Variants in TLE1 observed in about 807,000 individuals in gnomAD.
TLE1 encodes the protein transducin-like enhancer protein 1.
A neutral mutation model predicts 89.8 loss-of-function variants in TLE1; 21 were observed. The ratio of observed to expected loss-of-function variants is 0.23; its 90% CI spans 0.17 to 0.34. The LOEUF (loss-of-function observed/expected upper bound fraction) is 0.34, where lower values mean the gene tolerates loss of function less well. Ranked by LOEUF, TLE1 falls within the 10% of genes least tolerant of loss-of-function variation. TLE1 has a pLI of 1.00. For missense variants in TLE1, 795 were observed against 1,031.2 expected (o/e 0.77, Z 3.14); for synonymous variants, 447 against 407.6 (o/e 1.10, Z -1.16).
chr9:81,638,349 A>G (rs749044052), intron 6 of TLE1, among the ~76,000 whole-genome samples: 3 of 152,182 alleles, frequency 2.0e-5, no homozygotes, highest in African/African-American at 4.8e-5. Context: ...TTATAAACAC[A>G]AAGTGTCATT....
At chr9:81,662,570 T>C (rs1256129911) in intron 4 of TLE1, among the ~76,000 whole-genome samples, 1 of 151,690 alleles carries the variant, frequency 6.6e-6, no homozygotes, top group Non-Finnish European at 1.5e-5. Context: ...TGGTGATGCA[T>C]GCCTGTAATC....
chr9:81,597,690 G>A (rs980309761), intron 14 of TLE1, among the ~76,000 whole-genome samples: 2 of 152,114 alleles, frequency 1.3e-5, no homozygotes, highest in Non-Finnish European at 2.9e-5. Flanking sequence ...CTGAAGTCTG[G>A]TGTCAGAATC....
At chr9:81,682,776 G>A (rs904744776) in intron 4 of TLE1, among the ~76,000 whole-genome samples, 6 of 152,118 alleles carry the variant, frequency 3.9e-5, no homozygotes, top group African/African-American at 1.2e-4. Flanking sequence ...CTACTGTATA[G>A]AGATATCTAG....
chr9:81,606,056 C>A (rs1194322845), intron 14 of TLE1, among the ~76,000 whole-genome samples: 1 of 152,164 alleles, frequency 6.6e-6, no homozygotes, highest in African/African-American at 2.4e-5. Context: ...AAATGCAAAT[C>A]AAAACCACAA....
chr9:81,629,661 G>A (rs1826328466), intron 8 of TLE1, among the ~76,000 whole-genome samples: 2 of 152,138 alleles, frequency 1.3e-5, no homozygotes, highest in South Asian at 2.1e-4. Flanking sequence ...CACAAACCTG[G>A]GTGGTATAGC....
At chr9:81,682,169 G>C (rs994573929) in intron 4 of TLE1, among the ~76,000 whole-genome samples, 8 of 151,824 alleles carry the variant, frequency 5.3e-5, no homozygotes, top group African/African-American at 1.7e-4. Context: ...CAGGAGAATT[G>C]CTTGAACCCA....
At chr9:81,600,253 T>C (rs1381522938) in intron 14 of TLE1, 26 of 576,482 alleles carry the variant, frequency 4.5e-5, no homozygotes, top group Non-Finnish European at 7.6e-5. Context: ...AAACGAGCAT[T>C]ATCCAAGCAA....
At chr9:81,645,378 A>T (rs944994936) in intron 6 of TLE1, among the ~76,000 whole-genome samples, 2 of 151,026 alleles carry the variant, frequency 1.3e-5, no homozygotes, top group Admixed American at 1.3e-4. Context: ...AAAAAAAAAA[A>T]ATAATAGTAA....
intron 9 of TLE1, among the ~76,000 whole-genome samples, chr9:81,618,550 G>A (rs1824844402): frequency 1.3e-5 from 2 of 152,128 alleles, no homozygotes; most frequent in Admixed American, 1.3e-4. Flanking sequence ...GAGGAAGCCT[G>A]GGTAATCCTA....
chr9:81,639,876 C>G (rs960384666), intron 6 of TLE1, among the ~76,000 whole-genome samples: 1 of 151,932 alleles, frequency 6.6e-6, no homozygotes, highest in Non-Finnish European at 1.5e-5. Context: ...CATGAACCAC[C>G]GCGCCCAGCT....
At chr9:81,626,217 T>C (rs936388020) in intron 8 of TLE1, among the ~76,000 whole-genome samples, 2 of 152,098 alleles carry the variant, frequency 1.3e-5, no homozygotes, top group African/African-American at 4.8e-5. Context: ...GTGTCAGAGG[T>C]ACAGATTGGA....
intron 14 of TLE1, among the ~76,000 whole-genome samples, chr9:81,608,055 G>A (rs1831921242): frequency 6.6e-6 from 1 of 152,192 alleles, no homozygotes; most frequent in Non-Finnish European, 1.5e-5. Flanking sequence ...TGGTTTATTT[G>A]AAACAAGGCT....
intron 5 of TLE1, 64 bp downstream of exon 5, chr9:81,653,905 TAAAAC>T: frequency 6.9e-7 from 1 of 1,443,282 alleles, no homozygotes; most frequent in Non-Finnish European, 9.7e-7. Context: ...ATTAACATCT[TAAAAC>T]TAGCTAATTT....
intron 8 of TLE1, among the ~76,000 whole-genome samples, chr9:81,627,124 C>G (rs933812390): frequency 6.6e-6 from 1 of 152,054 alleles, no homozygotes; most frequent in Non-Finnish European, 1.5e-5. Flanking sequence ...GTGTATCGGA[C>G]AGCACTTACA....
At chr9:81,650,991 CT>C (rs1829461647) in intron 6 of TLE1, among the ~76,000 whole-genome samples, 1 of 152,178 alleles carries the variant, frequency 6.6e-6, no homozygotes, top group Admixed American at 6.5e-5. Context: ...GAGGCTCATT[CT>C]TTAATCCTCC....
At chr9:81,625,911 T>TATAAAAA (rs1825838255) in intron 8 of TLE1, among the ~76,000 whole-genome samples, 1 of 87,848 alleles carries the variant, frequency 1.1e-5, no homozygotes, top group African/African-American at 5.4e-5. Flanking sequence ...CAGAAACTAC[T>TATAAAAA]AAAAAAAAAA....
In TLE1 at chr9:81,689,516, C is replaced by T. The variant is rs1564097891; in HGVS notation, c.-1276G>A. On this transcript the variant is annotated 5_prime_UTR_variant, in exon 1 of 20. Coordinates refer to ENST00000376499, the MANE Select transcript of TLE1 (RefSeq NM_005077.5). ...TCTGCAGCCGCCGCTCCCACCGCCGCCGCCGCCCGCGCCTCTCGCGCCGCT... is the reference window on the plus strand; with the variant it reads ...TCTGCAGCCGCCGCTCCCACCGCCGTCGCCGCCCGCGCCTCTCGCGCCGCT... Among the ~76,000 whole-genome samples, 3 of 152,184 alleles carry T rather than the reference C, an allele frequency of 2.0e-5. No homozygotes were observed. Among genetic ancestry groups the T allele is most frequent in the African/African-American group, 7.2e-5 (3 of 41,458 alleles).
intron 4 of TLE1, among the ~76,000 whole-genome samples, chr9:81,675,698 G>GTTTGTTTTTTTTTTTTTTTTTTTT (rs1554701835): frequency 8.5e-5 from 11 of 129,672 alleles, no homozygotes; most frequent in African/African-American, 3.3e-4. Context: ...ACTCACACTA[G>GTTTGTTTTTTTTTTTTTTTTTTTT]TTTTTTTTTG....
At chr9:81,636,638 C>T (rs985189135) in intron 6 of TLE1, among the ~76,000 whole-genome samples, 17 of 152,202 alleles carry the variant, frequency 1.1e-4, no homozygotes, top group African/African-American at 3.9e-4. Context: ...ATGGAGTCAC[C>T]AGAAGATGAC....
Sources: allele counts gnomAD v4.1 joint callset (sites outside exome capture counted in the v4.1 genomes callset), GRCh38; gene constraint gnomAD v4.1.1; transcripts MANE v1.5; gene names NCBI Gene and HGNC (gene_info 2026-07-23, HGNC 2026-07-21).